Variants in ROR1 observed in about 807,000 individuals in gnomAD.
ROR1 encodes the protein ROR family WNT receptor 1.
ROR1 carries 19 observed loss-of-function variants against 78.8 expected under a neutral mutation model. The ratio of observed to expected loss-of-function variants is 0.24; its 90% confidence interval spans 0.17 to 0.35. ROR1 has a LOEUF of 0.35. ROR1 is among the 10% of genes least tolerant of loss of function. The pLI, the probability that ROR1 is intolerant of heterozygous loss-of-function variation, is 1.00. For synonymous variants in ROR1, 386 were observed against 433.6 expected (o/e 0.89, Z 1.36); for missense variants, 917 against 1,177.8 (o/e 0.78, Z 3.24).
intron 2 of ROR1, among the ~76,000 whole-genome samples, chr1:64,016,462 T>C (rs2100551484): frequency 6.6e-6 from 1 of 152,274 alleles, no homozygotes. Context: ...CCTTTTAATG[T>C]GGCTAGCAGA....
chr1:64,112,111 G>T (rs1648123500), intron 4 of ROR1: 1 of 152,180 alleles, frequency 6.6e-6, no homozygotes, highest in Non-Finnish European at 1.5e-5. Flanking sequence ...AGGCTGATCT[G>T]ATCTGTGGTT....
intron 1 of ROR1, among the ~76,000 whole-genome samples, chr1:63,975,019 T>C (rs1646147876): frequency 6.6e-6 from 1 of 152,192 alleles, no homozygotes; most frequent in Non-Finnish European, 1.5e-5. Flanking sequence ...CGTCTTTGTA[T>C]TGGAGCTTTT....
rs141078547 is a variant in ROR1, at chr1:63,896,517, C to G, written c.92-112788C>G. ...CCTCCACCTTCTCCTTCATTATAAA[C>G]TGACTTGTTGGACTTAACAGTTCCT... On this transcript the variant is annotated intron_variant, in intron 1 of 8. Coordinates refer to ENST00000371079, the MANE Select transcript of ROR1 (RefSeq NM_005012.4). Among the ~76,000 whole-genome samples, 72 of 152,306 alleles carry G rather than the reference C, an allele frequency of 4.7e-4. No homozygotes were observed. In the East Asian group the frequency reaches 0.014, roughly 29 times the overall value.
chr1:63,911,792 A>C (rs1051746532), intron 1 of ROR1, among the ~76,000 whole-genome samples: 4 of 152,202 alleles, frequency 2.6e-5, no homozygotes. Context: ...GCCACAAAGC[A>C]TTAATAGGAA....
At chr1:64,164,751 C>T (rs1650038883) in intron 8 of ROR1, among the ~76,000 whole-genome samples, 1 of 152,136 alleles carries the variant, frequency 6.6e-6, no homozygotes, top group South Asian at 2.1e-4. Flanking sequence ...TCCCTCCTCC[C>T]AAGCTCCACC....
chr1:64,165,309 T>G (rs1375395517), intron 8 of ROR1, among the ~76,000 whole-genome samples: 2 of 152,174 alleles, frequency 1.3e-5, no homozygotes, highest in African/African-American at 4.8e-5. Context: ...GGTGTCTCAT[T>G]GTGGTTTTGA....
chr1:63,830,341 C>T (rs1034629597), intron 1 of ROR1, among the ~76,000 whole-genome samples: 3 of 152,070 alleles, frequency 2.0e-5, no homozygotes, highest in Non-Finnish European at 2.9e-5. Flanking sequence ...AAGAACTACC[C>T]GAGACTGGGT....
intron 1 of ROR1, among the ~76,000 whole-genome samples, chr1:63,900,256 T>C (rs705516): frequency 0.92 from 139,935 of 152,064 alleles, 64,461 homozygotes; most frequent in East Asian, 1. Flanking sequence ...GAGTTCGAGA[T>C]CACCCTGGCC....
At chr1:63,900,955 A>G (rs1173568167) in intron 1 of ROR1, among the ~76,000 whole-genome samples, 7 of 152,198 alleles carry the variant, frequency 4.6e-5, no homozygotes, top group African/African-American at 1.4e-4. Flanking sequence ...ACATATCCTC[A>G]TAATGAGCTT....
chr1:63,873,258 A>G (rs1329300351), intron 1 of ROR1, among the ~76,000 whole-genome samples: 1 of 152,130 alleles, frequency 6.6e-6, no homozygotes, highest in Admixed American at 6.6e-5. Flanking sequence ...TGCCTGTTTG[A>G]GTGATTCTGG....
chr1:63,895,088 T>C (rs1283326630), intron 1 of ROR1, among the ~76,000 whole-genome samples: 3 of 152,198 alleles, frequency 2.0e-5, no homozygotes, highest in Non-Finnish European at 2.9e-5. Flanking sequence ...TTTATGTAAG[T>C]ATGTGATTTG....
At chr1:63,994,148 A>G (rs1338303585) in intron 1 of ROR1, among the ~76,000 whole-genome samples, 2 of 152,032 alleles carry the variant, frequency 1.3e-5, no homozygotes, top group Non-Finnish European at 2.9e-5. Context: ...ACATTTCCTT[A>G]TCTGTAAATT....
chr1:63,807,698 C>T (rs991802172), intron 1 of ROR1, among the ~76,000 whole-genome samples: 2 of 152,190 alleles, frequency 1.3e-5, no homozygotes, highest in African/African-American at 4.8e-5. Context: ...GGATGATGCC[C>T]TACGCATGGT....
intron 1 of ROR1, among the ~76,000 whole-genome samples, chr1:63,788,217 A>G (rs1282089662): frequency 1.3e-5 from 2 of 152,208 alleles, no homozygotes; most frequent in Non-Finnish European, 2.9e-5. Context: ...TTTAAAGCTA[A>G]GAGGAAGCAG....
At chr1:64,103,567 G>T (rs1362967737) in intron 4 of ROR1, among the ~76,000 whole-genome samples, 1 of 152,112 alleles carries the variant, frequency 6.6e-6, no homozygotes, top group African/African-American at 2.4e-5. Context: ...GAAATGGTTG[G>T]TGATTTAAAG....
chr1:64,150,106 C>G (rs1649580643), intron 7 of ROR1, among the ~76,000 whole-genome samples: 1 of 152,142 alleles, frequency 6.6e-6, no homozygotes, highest in African/African-American at 2.4e-5. Context: ...TACCCTTGAT[C>G]AAATCCTGAG....
At chr1:63,775,432 G>C (rs1644610701) in intron 1 of ROR1, 1 of 152,200 alleles carries the variant, frequency 6.6e-6, no homozygotes, top group African/African-American at 2.4e-5. Flanking sequence ...GGGGAAAGTT[G>C]ATTAAAGTCT....
chr1:64,010,859 G>T (rs943936462), intron 2 of ROR1, among the ~76,000 whole-genome samples: 12 of 152,120 alleles, frequency 7.9e-5, no homozygotes, highest in African/African-American at 2.9e-4. Context: ...CTGTGAAGAG[G>T]TGCCTTCTGT....
intron 1 of ROR1, among the ~76,000 whole-genome samples, chr1:63,825,934 C>T (rs655404): frequency 0.13 from 19,797 of 151,962 alleles, 2,422 homozygotes; most frequent in African/African-American, 0.32. Flanking sequence ...GCTGGGTGGA[C>T]CTCAGTTCCC....
Sources: gnomAD v4.1 joint callset for allele counts (sites outside exome capture counted in the v4.1 genomes callset) on GRCh38, gnomAD v4.1.1 for gene constraint, MANE v1.5 for transcripts, NCBI Gene and HGNC (gene_info 2026-07-23, HGNC 2026-07-21) for gene names.